PCM1: variants seen among roughly 807,000 people sequenced by gnomAD.
PCM1 encodes the protein pericentriolar material 1.
In PCM1, 157 loss-of-function variants were observed where a neutral mutation model predicts 241.9. The observed-to-expected ratio is 0.65, with a 90% confidence interval of 0.57 to 0.74. The LOEUF is 0.74. PCM1 is among the 30% of genes least tolerant of loss of function. The probability of loss-of-function intolerance (pLI) is 0.00; values close to 1 mark genes in which losing one functional copy is unlikely to be tolerated. For synonymous variants in PCM1, 1,085 were observed against 784.9 expected, an observed-to-expected ratio of 1.38 and a Z score of -6.39; for missense variants, 3,478 against 2,360.1, an observed-to-expected ratio of 1.47 and a Z score of -9.81.
chr8:18,006,055 G>C, intron 29 of PCM1: 1 of 439,982 alleles, frequency 2.3e-6, no homozygotes. Context: ...CTGCTTTCGT[G>C]GGTCAAAATT....
chr8:17,952,271 A>G (rs554185932), intron 8 of PCM1, among the ~76,000 whole-genome samples: 1 of 151,242 alleles, frequency 6.6e-6, no homozygotes, highest in South Asian at 2.1e-4. Flanking sequence ...AAGGAACATG[A>G]GAGAGAAGTG....
At chr8:17,998,715 C>G (rs531670972) in intron 29 of PCM1, among the ~76,000 whole-genome samples, 1 of 152,296 alleles carries the variant, frequency 6.6e-6, no homozygotes, top group South Asian at 2.1e-4. Context: ...CCTAGGGTTC[C>G]TACTATTAGC....
intron 9 of PCM1, among the ~76,000 whole-genome samples, chr8:17,954,473 G>A (rs1051384372): frequency 4.0e-5 from 6 of 151,522 alleles, no homozygotes; most frequent in Non-Finnish European, 5.9e-5. Flanking sequence ...ACATGTGAAA[G>A]TTGCGCTTAA....
Position 18,009,697 on chromosome 8 carries a change from A to C in PCM1, c.5113A>C (p.Lys1705Gln). The change falls in exon 31 of 39, where the codon AAA (lysine) becomes CAA (glutamine). Residue 1705 changes from lysine to glutamine, a missense_variant. Physicochemically the swap from Lys to Gln is moderately conservative, Grantham distance 53. Coordinates refer to ENST00000325083, the MANE Select transcript of PCM1 (RefSeq NM_006197.4). ...TAGTATAACTGTTAAACAGAGATGC[A>C]AAAGGAAAATAGAAGCAACTGGAGT... ...NNSITVKQRC[K>Q]RKIEATGVIQ... The C allele has an allele frequency of 6.6e-7, 1 of 1,518,360 alleles. No individual in the cohort carries two copies. The highest frequency in any genetic ancestry group is 8.8e-7 in the Non-Finnish European group (1 of 1,134,872). 94.1% of individuals were successfully genotyped at this position (1,518,360 alleles called of 1,614,324 possible). A position where few individuals can be genotyped will look rare whatever the true frequency, so the allele number is the denominator to read the frequency against.
At chr8:17,973,406 T>C (rs1326697519) in intron 23 of PCM1, among the ~76,000 whole-genome samples, 1 of 152,134 alleles carries the variant, frequency 6.6e-6, no homozygotes, top group Non-Finnish European at 1.5e-5. Context: ...AAGGTTGTTC[T>C]GAGTTTAAGG....
chr8:17,934,169 C>G (rs1452317710), intron 2 of PCM1, among the ~76,000 whole-genome samples: 1 of 151,972 alleles, frequency 6.6e-6, no homozygotes, highest in African/African-American at 2.4e-5. Flanking sequence ...AGTTGATAAT[C>G]CTTTTGATAT....
intron 36 of PCM1, among the ~76,000 whole-genome samples, chr8:18,023,115 CCCTT>C (rs1296187055): frequency 6.6e-6 from 1 of 152,054 alleles, no homozygotes; most frequent in Non-Finnish European, 1.5e-5. Context: ...TCTCCTTTGC[CCCTT>C]TCTCTCAGTA....
In PCM1 at chr8:17,962,098, C is replaced by T; in HGVS notation, c.2387C>T (p.Pro796Leu). 2 of 1,611,540 alleles carry T rather than the reference C, an allele frequency of 1.2e-6. No individual in the cohort carries two copies. Among genetic ancestry groups the T allele is most frequent in the Non-Finnish European group, 1.7e-6 (2 of 1,178,458 alleles). The change falls in exon 16 of 39, where the codon CCA becomes CTA. Residue 796 changes from proline (P) to leucine (L), a missense_variant. Transcript: ENST00000325083. ...TATATGCCAGCTGTTACTTCAACCC[C>T]AACTGTTAATCAACACGAGACCAGT... ...KKYMPAVTST[P>L]TVNQHETSTS...
chr8:17,949,736 A>G (rs1370788901), intron 7 of PCM1, among the ~76,000 whole-genome samples: 4 of 152,080 alleles, frequency 2.6e-5, no homozygotes, highest in Non-Finnish European at 5.9e-5. Flanking sequence ...CGCTCAAGTG[A>G]TCTGCCCACC....
intron 4 of PCM1, 40 bp downstream of exon 4, chr8:17,937,419 G>T: frequency 7.0e-7 from 1 of 1,420,988 alleles, no homozygotes; most frequent in Non-Finnish European, 9.5e-7. Flanking sequence ...ATTACTGTGA[G>T]AAATACTTGA....
chr8:17,963,327 T>C, intron 17 of PCM1, 36 bp downstream of exon 17: 1 of 1,505,564 alleles, frequency 6.6e-7, no homozygotes, highest in Non-Finnish European at 9.0e-7. Flanking sequence ...TCTAAAAATG[T>C]CACCTGCCGA....
At position 18,018,738 on chromosome 8, in the gene PCM1, G is replaced by C. The variant is rs1321104334; in HGVS notation, c.5841+3898G>C. ...AGGCAGGAGAATCGCTTGAACCCGG[G>C]AGGTGGAGGTTGCAGTGAGCTGAGA... On this transcript the variant is annotated intron_variant, in intron 36 of 38. Transcript: ENST00000325083. 3.3e-5 allele frequency among the ~76,000 whole-genome samples: 5 copies of C among 151,034 alleles called. No homozygotes were observed. The East Asian group carries it at 9.8e-4, about 29-fold the overall frequency.
At chr8:17,974,562 G>C (rs1156274372) in intron 23 of PCM1, among the ~76,000 whole-genome samples, 1 of 152,124 alleles carries the variant, frequency 6.6e-6, no homozygotes. Flanking sequence ...GTATTGGTCT[G>C]TGGACTACAC....
chr8:17,964,236 C>T lies in PCM1; in HGVS notation c.2655-332C>T, dbSNP rs547951277. ...GGATAGCACAGATACAGATGATTGCCGTAATTATAGAAAGTTCTGCTGAAC... is the reference window on the plus strand; with the variant it reads ...GGATAGCACAGATACAGATGATTGCTGTAATTATAGAAAGTTCTGCTGAAC... On this transcript the variant is annotated intron_variant, in intron 17 of 38. Coordinates refer to ENST00000325083, the MANE Select transcript of PCM1 (RefSeq NM_006197.4). 2.4e-4 allele frequency among the ~76,000 whole-genome samples: 37 copies of T among 152,196 alleles called. No individual in the cohort carries two copies. In the South Asian group the frequency reaches 5.2e-3, roughly 21 times the overall value.
chr8:17,990,108 TATCTATCAGTCTAAAATC>T, intron 27 of PCM1, 129 bp downstream of exon 27: 1 of 634,832 alleles, frequency 1.6e-6, no homozygotes, highest in Non-Finnish European at 2.4e-6. Context: ...TGGACTTAAT[TATCTATCAGTCTAAAATC>T]AAGAATCTTC....
intron 4 of PCM1, 150 bp downstream of exon 4, chr8:17,937,529 G>T (rs766915815): frequency 3.0e-6 from 2 of 657,704 alleles, no homozygotes; most frequent in Non-Finnish European, 5.0e-6. Flanking sequence ...AATCACTGGG[G>T]ATGGTCCTGT....
intron 1 of PCM1, among the ~76,000 whole-genome samples, 193 bp downstream of exon 1, chr8:17,923,381 A>G (rs1035823475): frequency 6.6e-6 from 1 of 152,086 alleles, no homozygotes; most frequent in African/African-American, 2.4e-5. Context: ...CTCAGGACTG[A>G]TCGCCGGGAT....
intron 9 of PCM1, 90 bp from the exon 10 acceptor site, chr8:17,955,380 T>G (rs2067814125): frequency 1.2e-6 from 1 of 853,020 alleles, no homozygotes; most frequent in Admixed American, 3.3e-5. Flanking sequence ...AATTTTTACT[T>G]TTTAGTTTTC....
At chr8:17,956,029 A>G (rs112966026) in intron 10 of PCM1, 16 of 241,008 alleles carry the variant, frequency 6.6e-5, no homozygotes, top group African/African-American at 2.8e-4. Flanking sequence ...CTAAGCCTGT[A>G]TTTCCTCATC....
Sources: gnomAD v4.1 joint callset for allele counts (sites outside exome capture counted in the v4.1 genomes callset) on GRCh38, gnomAD v4.1.1 for gene constraint, MANE v1.5 for transcripts, NCBI Gene and HGNC (gene_info 2026-07-23, HGNC 2026-07-21) for gene names.